NR3C2: variants seen among roughly 807,000 people sequenced by gnomAD.
NR3C2 encodes mineralocorticoid receptor.
A neutral mutation model predicts 86.4 loss-of-function variants in NR3C2; 15 were observed. The observed-to-expected ratio is 0.17, with a 90% confidence interval of 0.12 to 0.27. NR3C2 has a LOEUF of 0.27. Ranked by LOEUF, NR3C2 falls within the 10% of genes least tolerant of loss-of-function variation. The probability of loss-of-function intolerance (pLI) is 1.00; values close to 1 mark genes in which losing one functional copy is unlikely to be tolerated. For missense variants in NR3C2, 960 were observed against 1,195.6 expected (o/e 0.80, Z 2.91); for synonymous variants, 458 against 450.5 (o/e 1.02, Z -0.21).
rs72645628 is a variant in NR3C2, at chr4:148,435,605, G to A, written c.1256C>T (p.Ser419Leu). The A allele has an allele frequency of 7.7e-5, 124 of 1,614,060 alleles. No homozygotes were observed. The African/African-American group carries it at 1.2e-3, about 16-fold the overall frequency. The change falls in exon 2 of 9, where the codon TCG (serine) becomes TTG (leucine). Residue 419 changes from serine (S) to leucine (L), a missense_variant. Physicochemically the swap from Ser to Leu is moderately radical, Grantham distance 145. Transcript: ENST00000358102. ...TATTGGTACTGAGAATGAAGAATCC[G>A]AATTTATTTTGCTATTTCCTCCTAG... is the stretch of plus-strand genomic sequence containing the variant. Reference protein sequence around the residue: ...SCLGGNSKINSDSSFSVPIKQ... With the variant: ...SCLGGNSKINLDSSFSVPIKQ...
chr4:148,419,101 T>TA, intron 2 of NR3C2, among the ~76,000 whole-genome samples: 1 of 151,984 alleles, frequency 6.6e-6, no homozygotes, highest in East Asian at 1.9e-4. Context: ...TTTCCTTTTT[T>TA]TTTTTCTTTT....
At chr4:148,161,742 A>G (rs890666507) in intron 4 of NR3C2, among the ~76,000 whole-genome samples, 2 of 152,222 alleles carry the variant, frequency 1.3e-5, no homozygotes, top group Non-Finnish European at 2.9e-5. Context: ...CACCCATTGT[A>G]TAAGAAGTAC....
Position 148,090,140 on chromosome 4 carries a change from C to T in NR3C2, c.2800-8641G>A, listed in dbSNP as rs17024364. ...ATCCTCACCATCTATCCAGCTAAGT[C>T]CCCGAGCACCTGCTCTGTGCCAGGC... On this transcript the variant is annotated intron_variant, in intron 8 of 8. Transcript: ENST00000358102. 9.2e-3 allele frequency among the ~76,000 whole-genome samples: 1,400 copies of T among 152,208 alleles called. 33 individuals carry two copies. Among genetic ancestry groups the T allele is most frequent in the Admixed American group, 0.05 (765 of 15,294 alleles).
At chr4:148,309,188 A>G (rs982207837) in intron 2 of NR3C2, among the ~76,000 whole-genome samples, 1 of 152,170 alleles carries the variant, frequency 6.6e-6, no homozygotes, top group African/African-American at 2.4e-5. Flanking sequence ...GAAAAAGAAG[A>G]AAGAATAAGA....
Position 148,209,051 on chromosome 4 carries a change from C to T in NR3C2, c.1898-14189G>A, listed in dbSNP as rs192610228. On this transcript the variant is annotated intron_variant, in intron 3 of 8. Transcript: ENST00000358102. ...TTAAAGTTAGGAGTTCAAGACCAGC[C>T]TGGCCAACATGGTGAAACCCAACCT... Among the ~76,000 whole-genome samples the T allele has an allele frequency of 6.6e-3, 996 of 152,038 alleles. 16 individuals are homozygous for T. Among genetic ancestry groups the T allele is most frequent in the African/African-American group, 0.023 (952 of 41,482 alleles).
intron 3 of NR3C2, among the ~76,000 whole-genome samples, chr4:148,202,592 C>G (rs146847742): frequency 1.3e-5 from 2 of 152,318 alleles, no homozygotes; most frequent in African/African-American, 4.8e-5. Flanking sequence ...TTATCTTCCA[C>G]CAGCCACTCC....
chr4:148,304,328 C>CTTTT (rs35633620), intron 2 of NR3C2, among the ~76,000 whole-genome samples: 70 of 83,828 alleles, frequency 8.4e-4, no homozygotes, highest in East Asian at 2.7e-3. Flanking sequence ...GTTGTTGTTG[C>CTTTT]TTTTTTTTTT....
chr4:148,225,281 C>T (rs909458538), intron 3 of NR3C2, among the ~76,000 whole-genome samples: 3 of 152,066 alleles, frequency 2.0e-5, no homozygotes, highest in South Asian at 4.1e-4. Context: ...AATTTGACGG[C>T]GCTTTCTGCT....
At position 148,178,364 on chromosome 4, in the gene NR3C2, C is replaced by G. The variant is rs1354219416; in HGVS notation, c.2014+16382G>C. 2.0e-5 allele frequency among the ~76,000 whole-genome samples: 3 copies of G among 151,740 alleles called. No individual in the cohort carries two copies. In the East Asian group the frequency reaches 5.8e-4, roughly 29 times the overall value. On this transcript the variant is annotated intron_variant, in intron 4 of 8. Transcript: ENST00000358102. ...CCTTCAGTAGTTCTGTTCCAAGAAGCATGAAGCTAATATTTCGCTTTGATA... is the reference window on the plus strand; with the variant it reads ...CCTTCAGTAGTTCTGTTCCAAGAAGGATGAAGCTAATATTTCGCTTTGATA...
At chr4:148,121,955 T>C (rs2149734912) in intron 6 of NR3C2, among the ~76,000 whole-genome samples, 1 of 152,310 alleles carries the variant, frequency 6.6e-6, no homozygotes, top group Middle Eastern at 3.4e-3. Flanking sequence ...TTCTACAGGA[T>C]ACAGAATGAA....
At chr4:148,420,583 A>T (rs1402605625) in intron 2 of NR3C2, among the ~76,000 whole-genome samples, 1 of 152,104 alleles carries the variant, frequency 6.6e-6, no homozygotes. Context: ...GGGTGTTCCT[A>T]AAAGTGAGGA....
chr4:148,237,800 G>A (rs942394135), intron 3 of NR3C2, among the ~76,000 whole-genome samples: 3 of 151,756 alleles, frequency 2.0e-5, no homozygotes, highest in East Asian at 1.9e-4. Flanking sequence ...TCTCAGAAAC[G>A]AGAAATATAT....
chr4:148,407,437 T>C (rs761300053), intron 2 of NR3C2, among the ~76,000 whole-genome samples: 2 of 152,214 alleles, frequency 1.3e-5, no homozygotes, highest in Non-Finnish European at 2.9e-5. Context: ...AAAAATAATT[T>C]TATCATGCTT....
At chr4:148,387,298 G>A (rs553781724) in intron 2 of NR3C2, among the ~76,000 whole-genome samples, 3 of 152,258 alleles carry the variant, frequency 2.0e-5, no homozygotes, top group Non-Finnish European at 4.4e-5. Context: ...CAACCAAAAA[G>A]AAGGCTGAAC....
intron 5 of NR3C2, 29 bp downstream of exon 5, chr4:148,154,522 G>GC: frequency 1.2e-6 from 2 of 1,603,104 alleles, no homozygotes; most frequent in Non-Finnish European, 1.7e-6. Context: ...AGTTCAGGAT[G>GC]CAGCCTGTGA....
At chr4:148,166,214 T>C (rs72653826) in intron 4 of NR3C2, among the ~76,000 whole-genome samples, 43 of 152,340 alleles carry the variant, frequency 2.8e-4, no homozygotes, top group African/African-American at 9.9e-4. Context: ...ATCGCCTTTT[T>C]TGAATAAGTG....
intron 4 of NR3C2, among the ~76,000 whole-genome samples, chr4:148,165,181 CT>C (rs1734825354): frequency 6.6e-6 from 1 of 152,180 alleles, no homozygotes; most frequent in African/African-American, 2.4e-5. Flanking sequence ...TTGCACATCA[CT>C]TTTTAGGGCT....
At chr4:148,131,595 T>G (rs898910317) in intron 6 of NR3C2, among the ~76,000 whole-genome samples, 1 of 152,204 alleles carries the variant, frequency 6.6e-6, no homozygotes, top group African/African-American at 2.4e-5. Flanking sequence ...TTCTGACACC[T>G]GTTCATTTTT....
At chr4:148,331,223 G>C (rs1398356553) in intron 2 of NR3C2, among the ~76,000 whole-genome samples, 1 of 152,072 alleles carries the variant, frequency 6.6e-6, no homozygotes, top group Non-Finnish European at 1.5e-5. Flanking sequence ...AGTAGTAAAA[G>C]TTATACCTAG....
Sources: allele counts gnomAD v4.1 joint callset (sites outside exome capture counted in the v4.1 genomes callset), GRCh38; gene constraint gnomAD v4.1.1; transcripts MANE v1.5; gene names NCBI Gene and HGNC (gene_info 2026-07-23, HGNC 2026-07-21).